Variants in DLGAP2 observed in about 807,000 individuals in gnomAD.
The protein encoded by DLGAP2 is disks large-associated protein 2.
In DLGAP2, 26 loss-of-function variants were observed where a neutral mutation model predicts 100.3. That is an observed-to-expected ratio of 0.26 (90% CI 0.19 to 0.36). The LOEUF is 0.36. Ranked by LOEUF, DLGAP2 falls within the 10% of genes least tolerant of loss-of-function variation. The pLI is 1.00. For synonymous variants in DLGAP2, 886 were observed against 630.1 expected, an observed-to-expected ratio of 1.41 and a Z score of -6.08; for missense variants, 1,858 against 1,453.2, an observed-to-expected ratio of 1.28 and a Z score of -4.53.
chr8:1,618,066 G>A (rs1246371173), intron 6 of DLGAP2, among the ~76,000 whole-genome samples: 1 of 152,178 alleles, frequency 6.6e-6, no homozygotes, highest in Non-Finnish European at 1.5e-5. Context: ...CCGACTCTCA[G>A]CTCCTCTACT....
Position 970,453 on chromosome 8 carries a change from A to G in DLGAP2, c.73+62487A>G, listed in dbSNP as rs144044923. On this transcript the variant is annotated intron_variant, in intron 2 of 14. Coordinates refer to ENST00000637795, the MANE Select transcript of DLGAP2 (RefSeq NM_001346810.2). Reference sequence around the variant, plus strand: ...ATCAGCCCACCAGTGCTTAAGGACAAATGGCAGAATTCTTATCATGACTTT... The same window carrying G: ...ATCAGCCCACCAGTGCTTAAGGACAGATGGCAGAATTCTTATCATGACTTT... Among the ~76,000 whole-genome samples the G allele has an allele frequency of 3.7e-4, 56 of 152,344 alleles. 1 individual carries two copies. Among genetic ancestry groups the G allele is most frequent in the African/African-American group, 6.5e-4 (27 of 41,574 alleles).
rs112268166 is a variant in DLGAP2 at position 972,650 on chromosome 8, T to A, written c.73+64684T>A. 7.3e-3 allele frequency among the ~76,000 whole-genome samples: 1,112 copies of A among 151,916 alleles called. 14 individuals carry two copies. Among genetic ancestry groups the A allele is most frequent in the African/African-American group, 0.026 (1,058 of 41,420 alleles). On this transcript the variant is annotated intron_variant, in intron 2 of 14. Transcript: ENST00000637795. Reference sequence around the variant, plus strand: ...TTATTTATTTATTTATTTATCATTCTTGTGTGTTTCTCGCAGAGGGGGATT... The same window carrying A: ...TTATTTATTTATTTATTTATCATTCATGTGTGTTTCTCGCAGAGGGGGATT...
At position 791,587 on chromosome 8, in the gene DLGAP2, T is replaced by C. The variant is rs146084815; in HGVS notation, c.18+53762T>C. ...TACATTTAAATGCCCACATTTCGAT[T>C]CTAACATAAATAATTATGATGTGCA... is the stretch of plus-strand genomic sequence containing the variant. On this transcript the variant is annotated intron_variant, in intron 1 of 14. Transcript: ENST00000637795. 5.2e-4 allele frequency among the ~76,000 whole-genome samples: 79 copies of C among 152,362 alleles called. 1 individual carries two copies. Among genetic ancestry groups the C allele is most frequent in the African/African-American group, 1.9e-3 (78 of 41,586 alleles).
intron 3 of DLGAP2, among the ~76,000 whole-genome samples, chr8:1,459,403 G>C (rs555501455): frequency 4.6e-5 from 7 of 152,362 alleles, no homozygotes; most frequent in Admixed American, 2.6e-4. Context: ...GCCACGTTCA[G>C]AGATTGTCAC....
intron 2 of DLGAP2, among the ~76,000 whole-genome samples, chr8:1,158,519 A>G (rs1264898471): frequency 6.6e-6 from 1 of 152,236 alleles, no homozygotes; most frequent in Admixed American, 6.5e-5. Context: ...AGTGGTGTGT[A>G]TGTGAGTGGC....
chr8:1,207,356 C>T (rs368188053), intron 2 of DLGAP2, among the ~76,000 whole-genome samples: 53 of 152,334 alleles, frequency 3.5e-4, no homozygotes, highest in South Asian at 1.9e-3. Flanking sequence ...TGTGTTACTT[C>T]ACTTTGAATA....
intron 2 of DLGAP2, among the ~76,000 whole-genome samples, chr8:1,231,405 C>G (rs1402214794): frequency 6.6e-6 from 1 of 152,148 alleles, no homozygotes; most frequent in East Asian, 1.9e-4. Context: ...TAAATTAGTT[C>G]AGCCATAGTG....
chr8:1,053,048 T>G (rs1802767703), intron 2 of DLGAP2, among the ~76,000 whole-genome samples: 1 of 152,230 alleles, frequency 6.6e-6, no homozygotes, highest in Non-Finnish European at 1.5e-5. Context: ...AGCTGCCCCT[T>G]GAATTTACAT....
At chr8:1,660,844 T>C (rs1023807415) in intron 8 of DLGAP2, among the ~76,000 whole-genome samples, 4 of 152,226 alleles carry the variant, frequency 2.6e-5, no homozygotes, top group African/African-American at 9.6e-5. Flanking sequence ...AATGGCCCAA[T>C]TGTTTTTGAG....
At chr8:949,312 G>A (rs1411163819) in intron 2 of DLGAP2, among the ~76,000 whole-genome samples, 1 of 152,186 alleles carries the variant, frequency 6.6e-6, no homozygotes, top group Non-Finnish European at 1.5e-5. Context: ...CGTTGGGCGT[G>A]AGTCTGGGAT....
intron 2 of DLGAP2, among the ~76,000 whole-genome samples, chr8:1,102,684 CTG>C (rs1488518332): frequency 6.6e-6 from 1 of 152,154 alleles, no homozygotes; most frequent in Non-Finnish European, 1.5e-5. Context: ...GCCTGTGAAA[CTG>C]TGGCCTCGTG....
At chr8:1,241,009 TCTCA>T (rs1798780770) in intron 2 of DLGAP2, among the ~76,000 whole-genome samples, 2 of 7,504 alleles carry the variant, frequency 2.7e-4, no homozygotes, top group Non-Finnish European at 7.1e-4. Flanking sequence ...TCTAGTTCTC[TCTCA>T]CACATAGCGT....
intron 1 of DLGAP2, among the ~76,000 whole-genome samples, chr8:850,620 G>C (rs1797167603): frequency 6.6e-6 from 1 of 152,078 alleles, no homozygotes; most frequent in Admixed American, 6.5e-5. Flanking sequence ...TTAAATGTTG[G>C]CATGCTTTAT....
chr8:1,085,491 T>G (rs1372627115), intron 2 of DLGAP2, among the ~76,000 whole-genome samples: 1 of 152,216 alleles, frequency 6.6e-6, no homozygotes, highest in African/African-American at 2.4e-5. Flanking sequence ...GCAGTTTCAG[T>G]TCTGATGTGT....
intron 3 of DLGAP2, chr8:1,302,150 G>C (rs919703446): frequency 6.6e-6 from 1 of 152,350 alleles, no homozygotes; most frequent in Admixed American, 6.6e-5. Context: ...ACGGGACTCG[G>C]CATTTTCTGT....
At chr8:965,922 C>A (rs550692751) in intron 2 of DLGAP2, among the ~76,000 whole-genome samples, 2 of 152,292 alleles carry the variant, frequency 1.3e-5, no homozygotes, top group Admixed American at 6.5e-5. Flanking sequence ...TGAGGAGGAG[C>A]GTGGTGGCAA....
intron 1 of DLGAP2, among the ~76,000 whole-genome samples, chr8:790,643 C>G (rs1822000376): frequency 6.6e-6 from 1 of 152,174 alleles, no homozygotes; most frequent in Admixed American, 6.5e-5. Flanking sequence ...TTGGTCTATG[C>G]TGACAAGAAC....
In DLGAP2 at chr8:1,254,812, C is replaced by T. The variant is rs192200307; in HGVS notation, c.74-4039C>T. 2.8e-4 allele frequency among the ~76,000 whole-genome samples: 42 copies of T among 149,630 alleles called. 1 individual carries two copies. The highest frequency in any genetic ancestry group is 1.9e-3 in the Admixed American group (28 of 15,016). On this transcript the variant is annotated intron_variant, in intron 2 of 14. Coordinates refer to ENST00000637795, the MANE Select transcript of DLGAP2 (RefSeq NM_001346810.2). Reference sequence around the variant, plus strand: ...TCCCTGGCCCACGCAGTTCACTGCGCTCCCACAAAGACCGCTCCTGACTTT... The same window carrying T: ...TCCCTGGCCCACGCAGTTCACTGCGTTCCCACAAAGACCGCTCCTGACTTT...
At chr8:905,940 G>A (rs958767945) in intron 1 of DLGAP2, among the ~76,000 whole-genome samples, 1 of 152,224 alleles carries the variant, frequency 6.6e-6, no homozygotes, top group African/African-American at 2.4e-5. Flanking sequence ...TGGTGATAGA[G>A]TCCCATGCTC....
Sources: allele counts gnomAD v4.1 joint callset (sites outside exome capture counted in the v4.1 genomes callset), GRCh38; gene constraint gnomAD v4.1.1; transcripts MANE v1.5; gene names NCBI Gene and HGNC (gene_info 2026-07-23, HGNC 2026-07-21).